RORA: variants seen among roughly 807,000 people sequenced by gnomAD.
RORA encodes the protein RAR related orphan receptor A, also known as nuclear receptor ROR-alpha.
RORA carries 7 observed loss-of-function variants against 69.5 expected under a neutral mutation model. That is an observed-to-expected ratio of 0.10 (90% CI 0.06 to 0.19). The LOEUF (loss-of-function observed/expected upper bound fraction) is 0.19. Among genes scored for constraint, RORA ranks in the 10% least tolerant of loss-of-function variants. RORA has a pLI of 1.00. For synonymous variants in RORA, 261 were observed against 240.8 expected, an observed-to-expected ratio of 1.08 and a Z score of -0.78; for missense variants, 457 against 663.0, an observed-to-expected ratio of 0.69 and a Z score of 3.41.
intron 2 of RORA, among the ~76,000 whole-genome samples, chr15:60,536,196 G>A (rs180832036): frequency 4.6e-5 from 7 of 152,268 alleles, no homozygotes; most frequent in Non-Finnish European, 1.0e-4. Flanking sequence ...GAAGATTCAA[G>A]GATGTGATAC....
At position 60,552,276 on chromosome 15, in the gene RORA, A is replaced by C. The variant is rs1272151927; in HGVS notation, c.197-20425T>G. 2.0e-5 allele frequency among the ~76,000 whole-genome samples: 3 copies of C among 152,228 alleles called. No homozygotes were observed. In the East Asian group the frequency reaches 5.8e-4, roughly 29 times the overall value. Reference sequence around the variant, plus strand: ...TGCACTGCAGTCATTTCAGAGATACAGAAGCTTATCTTGCTTTTTGAAAAG... The same window carrying C: ...TGCACTGCAGTCATTTCAGAGATACCGAAGCTTATCTTGCTTTTTGAAAAG... On this transcript the variant is annotated intron_variant, in intron 2 of 10. Coordinates refer to ENST00000335670, the MANE Select transcript of RORA (RefSeq NM_134261.3).
rs111292014 is a variant in RORA, at chr15:61,147,981, AG to A, written c.166+81071del. Among the ~76,000 whole-genome samples the A allele has an allele frequency of 0.042, 6,412 of 152,278 alleles. 457 individuals carry two copies. The highest frequency in any genetic ancestry group is 0.15 in the African/African-American group (6,118 of 41,518). On this transcript the variant is annotated intron_variant, in intron 1 of 10. Transcript: ENST00000335670. The surrounding 1 kb of genome is among the most constrained non-coding windows in gnomAD (Gnocchi z 4.1). ...AGAGCCACTAGGGGACTTGAAACAA[AG>A]GGTGACAGAAACTGTTTTGCTTCCA... is the stretch of plus-strand genomic sequence containing the variant.
chr15:61,095,296 T>C (rs1374806214), intron 1 of RORA, among the ~76,000 whole-genome samples: 2 of 152,172 alleles, frequency 1.3e-5, no homozygotes, highest in Admixed American at 6.5e-5. Flanking sequence ...TTAGAAGTAT[T>C]TTAGATACTT....
At chr15:61,070,724 C>G (rs1475800253) in intron 1 of RORA, among the ~76,000 whole-genome samples, 1 of 152,188 alleles carries the variant, frequency 6.6e-6, no homozygotes, top group Non-Finnish European at 1.5e-5. Context: ...GTGACCTGCC[C>G]AGGGCCATCT....
intron 1 of RORA, among the ~76,000 whole-genome samples, chr15:60,898,315 T>C (rs1182674967): frequency 6.6e-6 from 1 of 152,080 alleles, no homozygotes; most frequent in Non-Finnish European, 1.5e-5. Flanking sequence ...ACAGGCTTTG[T>C]TCTAGGTTGT....
Position 60,996,063 on chromosome 15 carries a change from TGTTTTTTG to T in RORA, c.166+232982_166+232989del, listed in dbSNP as rs1254884285. Reference sequence around the variant, plus strand: ...AGAGGGATGGAAATGATCTAGATCTTGTTTTTTGTTTTTTTTTTTTTTTTTGAGATGGA... The same window carrying T: ...AGAGGGATGGAAATGATCTAGATCTTTTTTTTTTTTTTTTTTTGAGATGGA... On this transcript the variant is annotated intron_variant, in intron 1 of 10. Transcript: ENST00000335670. Among the ~76,000 whole-genome samples the T allele has an allele frequency of 8.6e-5, 11 of 127,218 alleles. No homozygotes were observed. The South Asian group carries it at 2.7e-3, about 31-fold the overall frequency. The allele number at this position is 127,218 out of a possible 152,430, so 83.5% of individuals were successfully genotyped here.
intron 1 of RORA, among the ~76,000 whole-genome samples, chr15:61,053,875 G>A (rs967427845): frequency 4.8e-5 from 2 of 41,356 alleles, no homozygotes; most frequent in Admixed American, 2.5e-4. Flanking sequence ...ACATTCTTCA[G>A]GGAGGGTTTC....
intron 1 of RORA, among the ~76,000 whole-genome samples, chr15:61,220,584 T>G (rs533445603): frequency 2.4e-4 from 37 of 152,352 alleles, no homozygotes; most frequent in Non-Finnish European, 2.1e-4. Context: ...GCCTTTTCTC[T>G]GTCTTTGTCC....
chr15:60,647,853 C>T (rs967302158), intron 2 of RORA, among the ~76,000 whole-genome samples: 4 of 152,234 alleles, frequency 2.6e-5, no homozygotes, highest in African/African-American at 4.8e-5. Flanking sequence ...CAGCCTGCTG[C>T]AGCTGTTTTC....
At chr15:61,117,791 G>A (rs963280830) in intron 1 of RORA, among the ~76,000 whole-genome samples, 4 of 152,208 alleles carry the variant, frequency 2.6e-5, no homozygotes, top group African/African-American at 7.2e-5. Context: ...GTAGAAGAAT[G>A]TAAGTATTCT....
chr15:60,998,308 C>T (rs927317918), intron 1 of RORA, among the ~76,000 whole-genome samples: 1 of 152,012 alleles, frequency 6.6e-6, no homozygotes, highest in African/African-American at 2.4e-5. Context: ...CGACTACAGG[C>T]ATGTAATACC....
intron 1 of RORA, among the ~76,000 whole-genome samples, chr15:61,043,840 C>G (rs761847092): frequency 6.6e-5 from 10 of 151,976 alleles, no homozygotes; most frequent in Non-Finnish European, 1.3e-4. Context: ...TTGGCTGGTA[C>G]GACAGGTGGT....
At chr15:60,519,503 G>C (rs755499593) in intron 3 of RORA, among the ~76,000 whole-genome samples, 149 of 152,236 alleles carry the variant, frequency 9.8e-4, no homozygotes, top group Non-Finnish European at 2.1e-4. Context: ...TGCTTCTCTT[G>C]TGTGTCAAAA....
chr15:60,833,142 G>T (rs1373062085), intron 1 of RORA, among the ~76,000 whole-genome samples: 1 of 151,960 alleles, frequency 6.6e-6, no homozygotes, highest in Non-Finnish European at 1.5e-5. Flanking sequence ...CTGACCTCAT[G>T]ATCCGCCCGC....
intron 1 of RORA, among the ~76,000 whole-genome samples, chr15:60,795,787 A>T (rs2072487541): frequency 6.6e-6 from 1 of 152,106 alleles, no homozygotes; most frequent in African/African-American, 2.4e-5. Context: ...CTCCATCCCT[A>T]CCAGATGTGA....
At chr15:61,215,175 G>A (rs1026772839) in intron 1 of RORA, among the ~76,000 whole-genome samples, 3 of 151,402 alleles carry the variant, frequency 2.0e-5, no homozygotes, top group Admixed American at 1.3e-4. Flanking sequence ...GAGCCACCGC[G>A]CCTGGCCCTT....
intron 1 of RORA, among the ~76,000 whole-genome samples, chr15:61,189,227 T>C (rs1351482577): frequency 6.6e-6 from 1 of 152,236 alleles, no homozygotes; most frequent in Non-Finnish European, 1.5e-5. Context: ...ACATTCATGA[T>C]AGACATTATA....
At chr15:60,700,116 G>A (rs1457028366) in intron 1 of RORA, among the ~76,000 whole-genome samples, 3 of 152,124 alleles carry the variant, frequency 2.0e-5, no homozygotes, top group East Asian at 1.9e-4. Flanking sequence ...GGGAGAGGAC[G>A]CACATATTTT....
chr15:60,493,187 T>C lies in RORA; in HGVS notation c.*4268A>G, dbSNP rs757001038. ...AAAATAATAGCATTGGAAGGACATA[T>C]GATTTAAACAATCAATGTTGGAAAC... On this transcript the variant is annotated 3_prime_UTR_variant, in exon 11 of 11. Coordinates refer to ENST00000335670, the MANE Select transcript of RORA (RefSeq NM_134261.3). 1 of 152,198 alleles carries C rather than the reference T, an allele frequency of 6.6e-6. No individual in the cohort carries two copies. The highest frequency in any genetic ancestry group is 1.5e-5 in the Non-Finnish European group (1 of 68,032). 9.4% of individuals were successfully genotyped at this position (152,198 alleles called of 1,614,324 possible).
Sources: gnomAD v4.1 joint callset for allele counts (sites outside exome capture counted in the v4.1 genomes callset) on GRCh38, gnomAD v4.1.1 for gene constraint, Gnocchi (gnomAD v3.1) non-coding constraint, MANE v1.5 for transcripts, NCBI Gene and HGNC (gene_info 2026-07-23, HGNC 2026-07-21) for gene names.